Variants in UPF3A observed in about 807,000 individuals in gnomAD.
The protein encoded by UPF3A is UPF3A regulator of nonsense mediated mRNA decay.
Under a neutral mutation model 53.5 loss-of-function variants are expected in UPF3A, and 42 were observed. That is an observed-to-expected ratio of 0.78 (90% CI 0.61 to 1.01). The LOEUF (loss-of-function observed/expected upper bound fraction) is 1.01. Among genes scored for constraint, UPF3A ranks in the 50% least tolerant of loss-of-function variants. The pLI, the probability that UPF3A is intolerant of heterozygous loss-of-function variation, is 0.00. For missense variants in UPF3A, 575 were observed against 598.0 expected (o/e 0.96, Z 0.40); for synonymous variants, 237 against 225.3 (o/e 1.05, Z -0.47).
chr13:114,300,644 A>G (rs1011971911), intron 8 of UPF3A, among the ~76,000 whole-genome samples: 5 of 151,948 alleles, frequency 3.3e-5, no homozygotes, highest in African/African-American at 7.2e-5. Flanking sequence ...GGTTCGTGCA[A>G]TTCTCCTGCC....
At chr13:114,299,210 A>G (rs7982070) in intron 8 of UPF3A, among the ~76,000 whole-genome samples, 45,185 of 151,862 alleles carry the variant, frequency 0.3, 6,793 homozygotes, top group Middle Eastern at 0.4. Context: ...TCAGATCGGG[A>G]GTTTCTTCCT....
intron 5 of UPF3A, 106 bp downstream of exon 5, chr13:114,286,735 AC>A: frequency 1.2e-6 from 1 of 841,556 alleles, no homozygotes; most frequent in South Asian, 2.0e-5. Flanking sequence ...GAAACTTGTT[AC>A]AGGCTTGACA....
intron 5 of UPF3A, among the ~76,000 whole-genome samples, chr13:114,288,409 T>C (rs887692266): frequency 1.3e-5 from 2 of 151,878 alleles, no homozygotes; most frequent in Non-Finnish European, 1.5e-5. Flanking sequence ...GGTCAGGAGA[T>C]GAGCTGAGCC....
At chr13:114,298,533 C>T (rs1405573442) in intron 7 of UPF3A, among the ~76,000 whole-genome samples, 1 of 152,234 alleles carries the variant, frequency 6.6e-6, no homozygotes, top group Non-Finnish European at 1.5e-5. Context: ...GAGCGAGACT[C>T]TGTCTCAAAA....
Position 114,281,760 on chromosome 13 carries a change from G to T in UPF3A, c.121G>T (p.Glu41Ter), listed in dbSNP as rs935362462. 6.4e-7 allele frequency: 1 copy of T among 1,557,780 alleles called. No homozygotes were observed. Among genetic ancestry groups the T allele is most frequent in the African/African-American group, 1.4e-5 (1 of 73,336 alleles). The part of the protein sequence containing the change: ...VQFHRDSQQQ[E>*]AETPPTSSSG... ...GTTCCACCGCGACTCGCAGCAGCAGGAGGCTGAGACGCCGCCAACTTCGTC... is the reference window on the plus strand; with the variant it reads ...GTTCCACCGCGACTCGCAGCAGCAGTAGGCTGAGACGCCGCCAACTTCGTC... Residue 41 changes from glutamate to a stop codon, truncating the protein, a stop_gained, in exon 1 of 10, where the codon GAG becomes TAG. Coordinates refer to ENST00000375299, the MANE Select transcript of UPF3A (RefSeq NM_023011.4). LOFTEE classifies it high-confidence loss of function.
intron 2 of UPF3A, chr13:114,282,452 G>C (rs892620770): frequency 2.0e-6 from 2 of 985,332 alleles, no homozygotes; most frequent in East Asian, 1.1e-4. Flanking sequence ...GGCGCTGCGG[G>C]GCCGGGGGGC....
chr13:114,300,834 TG>T (rs368627861), intron 8 of UPF3A, among the ~76,000 whole-genome samples: 298 of 151,762 alleles, frequency 2.0e-3, no homozygotes, highest in Middle Eastern at 0.01. Context: ...CCGCTGTGCC[TG>T]GCCTAATTTT....
At chr13:114,289,576 T>C (rs2085078066) in intron 5 of UPF3A, among the ~76,000 whole-genome samples, 1 of 152,128 alleles carries the variant, frequency 6.6e-6, no homozygotes, top group Non-Finnish European at 1.5e-5. Flanking sequence ...ACCTTTTTCT[T>C]TTCTAAGCTT....
rs750268937 is a variant in UPF3A, at chr13:114,291,533, T to C, written c.676T>C (p.Leu226=). 36 of 1,609,002 alleles carry C rather than the reference T, an allele frequency of 2.2e-5. No individual in the cohort carries two copies. In the East Asian group the frequency reaches 7.1e-4, roughly 32 times the overall value. Residue 226 remains leucine, a synonymous_variant, in exon 6 of 10, where the codon TTA becomes CTA. Transcript: ENST00000375299. ...TTTGGAATATATTAAAAATAGAAAA[T>C]TAGAAAAGCAGGTAGGTCTGGCCTT... ...PLLEYIKNRK[L]EKQRIREEKR...
At chr13:114,291,165 G>A (rs955055139) in intron 5 of UPF3A, among the ~76,000 whole-genome samples, 7 of 152,108 alleles carry the variant, frequency 4.6e-5, no homozygotes, top group African/African-American at 7.2e-5. Context: ...AACGGAAAAC[G>A]AAAAAGTTCT....
At chr13:114,304,061 G>T (rs947861971) in intron 9 of UPF3A, among the ~76,000 whole-genome samples, 1 of 152,250 alleles carries the variant, frequency 6.6e-6, no homozygotes, top group Admixed American at 6.5e-5. Flanking sequence ...GGCTGTTGGA[G>T]GCTAAGGCTG....
intron 7 of UPF3A, 57 bp from the exon 8 acceptor site, chr13:114,298,783 A>C: frequency 7.3e-7 from 1 of 1,373,664 alleles, no homozygotes; most frequent in Admixed American, 3.2e-5. Context: ...TTTATTTAAC[A>C]GCTTCTTTTA....
chr13:114,291,393 T>C, intron 5 of UPF3A, 96 bp from the exon 6 acceptor site: 1 of 1,179,164 alleles, frequency 8.5e-7, no homozygotes, highest in East Asian at 2.7e-5. Context: ...AATGATATGG[T>C]TCCCGTATTT....
chr13:114,281,899 T>TGGAGGCAGG, intron 1 of UPF3A, 53 bp downstream of exon 1: 1 of 621,150 alleles, frequency 1.6e-6, no homozygotes, highest in Non-Finnish European at 2.6e-6. Flanking sequence ...CGGCCCTGAG[T>TGGAGGCAGG]GGAGGGAGGG....
chr13:114,304,386 C>T (rs1297012880), intron 9 of UPF3A, among the ~76,000 whole-genome samples: 4 of 152,148 alleles, frequency 2.6e-5, no homozygotes, highest in Non-Finnish European at 5.9e-5. Flanking sequence ...GTTCAGTCTC[C>T]CTGCTGGTAC....
In UPF3A at chr13:114,281,807, G is replaced by A. The variant is rs1218638495; in HGVS notation, c.168G>A (p.Ala56=). 1.3e-6 allele frequency: 2 copies of A among 1,553,396 alleles called. No homozygotes were observed. The highest frequency in any genetic ancestry group is 1.4e-5 in the African/African-American group (1 of 72,798). The change falls in exon 1 of 10, where the codon GCG becomes GCA. Residue 56 remains alanine (A), a synonymous_variant. Coordinates refer to ENST00000375299, the MANE Select transcript of UPF3A (RefSeq NM_023011.4). ...CGTCCTCCGGTTGCGGGGGCGGTGC[G>A]GGCAAACCTCGCGAGGAGAAGAGGA... ...PTSSSGCGGG[A]GKPREEKRTA... is the part of the protein sequence containing the mutation.
Position 114,299,010 on chromosome 13 carries a change from CT to C in UPF3A, c.1007+13del. ...AGGAGCCCCAGGAGACGTGAGCGTG[CT>C]TTCATTGTTATGACCACGTCAGCTC... On this transcript the variant is annotated intron_variant, in intron 8 of 9. Transcript: ENST00000375299. 6.3e-7 allele frequency: 1 copy of C among 1,587,190 alleles called. No homozygotes were observed. Among genetic ancestry groups the C allele is most frequent in the South Asian group, 1.2e-5 (1 of 86,720 alleles).
At chr13:114,291,569 A>G (rs2085270048) in intron 6 of UPF3A, 25 bp downstream of exon 6, 1 of 1,606,746 alleles carries the variant, frequency 6.2e-7, no homozygotes, top group Non-Finnish European at 8.5e-7. Context: ...TACCTGATGA[A>G]CACCCTCCCT....
At chr13:114,293,026 C>T (rs373111807) in intron 7 of UPF3A, among the ~76,000 whole-genome samples, 40 of 141,672 alleles carry the variant, frequency 2.8e-4, no homozygotes, top group Admixed American at 2.8e-3. Context: ...GAGCCGAGAT[C>T]GCGCCATTGC....
Sources: gnomAD v4.1 joint callset for allele counts (sites outside exome capture counted in the v4.1 genomes callset) on GRCh38, gnomAD v4.1.1 for gene constraint, MANE v1.5 for transcripts, NCBI Gene and HGNC (gene_info 2026-07-23, HGNC 2026-07-21) for gene names.